Variants in PDS5B observed in about 807,000 individuals in gnomAD.
The protein encoded by PDS5B is PDS5 cohesin associated factor B.
In PDS5B, 51 loss-of-function variants were observed where a neutral mutation model predicts 184.1. That is an observed-to-expected ratio of 0.28 (90% CI 0.22 to 0.35). The LOEUF is 0.35. Among genes scored for constraint, PDS5B ranks in the 10% least tolerant of loss-of-function variants. The pLI, the probability that PDS5B is intolerant of heterozygous loss-of-function variation, is 1.00. For synonymous variants in PDS5B, 566 were observed against 569.2 expected, an observed-to-expected ratio of 0.99 and a Z score of 0.08; for missense variants, 1,180 against 1,723.3, an observed-to-expected ratio of 0.68 and a Z score of 5.58.
At position 32,760,736 on chromosome 13, in the gene PDS5B, A is replaced by G; in HGVS notation, c.3518+16A>G. Reference sequence around the variant, plus strand: ...TAAAGGGGAGGTAAGTGCAAAAGAAATGCCACAATTTACATTTAAGGATTC... The same window carrying G: ...TAAAGGGGAGGTAAGTGCAAAAGAAGTGCCACAATTTACATTTAAGGATTC... On this transcript the variant is annotated intron_variant, in intron 30 of 34. Coordinates refer to ENST00000315596, the MANE Select transcript of PDS5B (RefSeq NM_015032.4). 1.9e-6 allele frequency: 3 copies of G among 1,607,426 alleles called. No homozygotes were observed. The highest frequency in any genetic ancestry group is 1.7e-5 in the Admixed American group (1 of 58,778).
chr13:32,634,317 A>G (rs1196779478), intron 1 of PDS5B, among the ~76,000 whole-genome samples: 1 of 152,166 alleles, frequency 6.6e-6, no homozygotes, highest in Non-Finnish European at 1.5e-5. Flanking sequence ...TAACACCTTC[A>G]CCAATATGTG....
intron 31 of PDS5B, among the ~76,000 whole-genome samples, chr13:32,765,746 G>A (rs1040018445): frequency 6.6e-6 from 1 of 152,198 alleles, no homozygotes; most frequent in South Asian, 2.1e-4. Flanking sequence ...TGGGACCACA[G>A]GCATGTGCCA....
At chr13:32,667,446 T>A (rs1950830738) in intron 6 of PDS5B, among the ~76,000 whole-genome samples, 1 of 152,196 alleles carries the variant, frequency 6.6e-6, no homozygotes, top group South Asian at 2.1e-4. Context: ...CAGCTTGTAT[T>A]TGTACTTAAC....
intron 18 of PDS5B, 47 bp downstream of exon 18, chr13:32,707,086 C>T (rs1566353227): frequency 1.0e-6 from 1 of 973,740 alleles, no homozygotes. Flanking sequence ...ATCTGTTTAA[C>T]ATATACAGTT....
chr13:32,592,448 G>C (rs910099606), intron 1 of PDS5B, among the ~76,000 whole-genome samples: 4 of 152,066 alleles, frequency 2.6e-5, no homozygotes, highest in African/African-American at 9.7e-5. Flanking sequence ...GTAGAGACAG[G>C]GTTTCACCAT....
intron 1 of PDS5B, among the ~76,000 whole-genome samples, chr13:32,634,031 T>G (rs1477237555): frequency 1.3e-5 from 2 of 152,174 alleles, no homozygotes; most frequent in Non-Finnish European, 2.9e-5. Context: ...TTCTGTTATA[T>G]CCTCTCTTCA....
intron 6 of PDS5B, among the ~76,000 whole-genome samples, chr13:32,660,739 CTTG>C (rs956296018): frequency 1.3e-5 from 2 of 152,146 alleles, no homozygotes; most frequent in African/African-American, 4.8e-5. Context: ...TCTCCTTGGC[CTTG>C]TTGTAGGGAG....
intron 1 of PDS5B, among the ~76,000 whole-genome samples, chr13:32,645,179 C>T (rs778916105): frequency 3.3e-5 from 5 of 152,058 alleles, no homozygotes; most frequent in South Asian, 2.1e-4. Context: ...GGCAAGATCT[C>T]GCTTTGTTGC....
chr13:32,662,168 G>A (rs1483727509), intron 6 of PDS5B, among the ~76,000 whole-genome samples: 2 of 152,020 alleles, frequency 1.3e-5, no homozygotes, highest in African/African-American at 4.8e-5. Context: ...TAAACCAAAA[G>A]AAAACCAAGA....
intron 3 of PDS5B, among the ~76,000 whole-genome samples, chr13:32,653,815 G>A (rs1032659869): frequency 6.6e-6 from 1 of 152,122 alleles, no homozygotes; most frequent in African/African-American, 2.4e-5. Flanking sequence ...AGTGGCTGTG[G>A]CTCTCCCGTA....
chr13:32,759,721 G>C (rs376630629), intron 29 of PDS5B, 31 bp downstream of exon 29: 2 of 1,225,630 alleles, frequency 1.6e-6, no homozygotes, highest in Admixed American at 1.9e-5. Context: ...TAATTTTTAT[G>C]TGGTAGCTTA....
At chr13:32,670,703 C>CT (rs1466396847) in intron 7 of PDS5B, among the ~76,000 whole-genome samples, 1 of 152,050 alleles carries the variant, frequency 6.6e-6, no homozygotes, top group South Asian at 2.1e-4. Context: ...TTCACCAGTT[C>CT]TTTTTTTATC....
intron 2 of PDS5B, chr13:32,649,604 TG>T (rs1383762264): frequency 6.6e-6 from 1 of 152,160 alleles, no homozygotes; most frequent in African/African-American, 2.4e-5. Flanking sequence ...GGCTGAAAAA[TG>T]TTCCCAAATT....
At chr13:32,763,918 A>T (rs1411354714) in intron 30 of PDS5B, among the ~76,000 whole-genome samples, 2 of 152,172 alleles carry the variant, frequency 1.3e-5, no homozygotes, top group African/African-American at 4.8e-5. Flanking sequence ...AAATAGTTTT[A>T]AAAACTAGAT....
intron 13 of PDS5B, among the ~76,000 whole-genome samples, chr13:32,693,377 T>TA (rs1369621482): frequency 1.3e-5 from 2 of 151,924 alleles, no homozygotes; most frequent in Non-Finnish European, 2.9e-5. Context: ...TTATCTCCTT[T>TA]AAAAAATCCA....
chr13:32,670,069 T>G (rs1950893793), intron 7 of PDS5B, among the ~76,000 whole-genome samples: 1 of 152,194 alleles, frequency 6.6e-6, no homozygotes, highest in Admixed American at 6.5e-5. Flanking sequence ...AGTAAGATAC[T>G]GAGATAATAA....
At chr13:32,724,772 A>T (rs1272775787) in intron 19 of PDS5B, among the ~76,000 whole-genome samples, 1 of 152,026 alleles carries the variant, frequency 6.6e-6, no homozygotes, top group Non-Finnish European at 1.5e-5. Context: ...GTAGAGACAG[A>T]GTTTCACCTT....
intron 17 of PDS5B, among the ~76,000 whole-genome samples, chr13:32,706,000 G>A (rs898891001): frequency 7.2e-5 from 11 of 151,996 alleles, no homozygotes; most frequent in South Asian, 2.1e-4. Context: ...AAGCTTGGCC[G>A]GGCGTGGTGG....
intron 3 of PDS5B, among the ~76,000 whole-genome samples, chr13:32,655,635 T>C (rs1002241499): frequency 6.6e-6 from 1 of 151,814 alleles, no homozygotes; most frequent in African/African-American, 2.4e-5. Context: ...CCTCCCAAAG[T>C]ACTGGGATTA....
Sources: allele counts gnomAD v4.1 joint callset (sites outside exome capture counted in the v4.1 genomes callset), GRCh38; gene constraint gnomAD v4.1.1; transcripts MANE v1.5; gene names NCBI Gene and HGNC (gene_info 2026-07-23, HGNC 2026-07-21).